ZBTB7C: variants seen among roughly 807,000 people sequenced by gnomAD.
ZBTB7C encodes zinc finger and BTB domain containing 7C.
A neutral mutation model predicts 25.7 loss-of-function variants in ZBTB7C; 8 were observed. The observed-to-expected ratio is 0.31, with a 90% CI of 0.18 to 0.56. The LOEUF is 0.56. Among genes scored for constraint, ZBTB7C ranks in the 20% least tolerant of loss-of-function variants. The pLI, the probability that ZBTB7C is intolerant of heterozygous loss-of-function variation, is 0.91. For missense variants in ZBTB7C, 824 were observed against 855.2 expected (o/e 0.96, Z 0.46); for synonymous variants, 394 against 369.0 (o/e 1.07, Z -0.78).
chr18:48,067,658 G>A lies in ZBTB7C; in HGVS notation c.-16-26535C>T, dbSNP rs4575603. ...TGGGTCTCCAGTCTGCTAGCCTGGA[G>A]ATTTGGACTTGCCAGCCCTTACAAT... On this transcript the variant is annotated intron_variant, in intron 3 of 4. Transcript: ENST00000590800. Among the ~76,000 whole-genome samples, 618 of 152,296 alleles carry A rather than the reference G, an allele frequency of 4.1e-3. 3 individuals carry two copies. The highest frequency in any genetic ancestry group is 0.027 in the Middle Eastern group (8 of 294).
At chr18:48,187,992 A>T (rs1568288829) in intron 2 of ZBTB7C, among the ~76,000 whole-genome samples, 1 of 152,178 alleles carries the variant, frequency 6.6e-6, no homozygotes, top group Non-Finnish European at 1.5e-5. Flanking sequence ...GAATGTACTC[A>T]ATGAATTACA....
At chr18:48,174,675 C>G (rs1414178373) in intron 3 of ZBTB7C, among the ~76,000 whole-genome samples, 1 of 152,256 alleles carries the variant, frequency 6.6e-6, no homozygotes, top group Non-Finnish European at 1.5e-5. Flanking sequence ...ATGACACATA[C>G]ACACGATGGA....
At chr18:48,384,534 G>C (rs913311604) in intron 1 of ZBTB7C, among the ~76,000 whole-genome samples, 3 of 152,190 alleles carry the variant, frequency 2.0e-5, no homozygotes, top group African/African-American at 7.2e-5. Flanking sequence ...TGAAGATGTA[G>C]TACAGGCTTG....
chr18:48,078,706 A>G (rs1485738828), intron 3 of ZBTB7C, among the ~76,000 whole-genome samples: 2 of 152,206 alleles, frequency 1.3e-5, no homozygotes, highest in African/African-American at 4.8e-5. Context: ...ATAGGCAGGT[A>G]GCAGGGTGGG....
At chr18:48,084,557 G>A (rs1186506033) in intron 3 of ZBTB7C, among the ~76,000 whole-genome samples, 2 of 152,176 alleles carry the variant, frequency 1.3e-5, no homozygotes, top group Non-Finnish European at 2.9e-5. Flanking sequence ...CCCACAGTAT[G>A]CCTGTGAGCC....
chr18:48,111,080 A>C (rs574588729), intron 3 of ZBTB7C, among the ~76,000 whole-genome samples: 1 of 152,238 alleles, frequency 6.6e-6, no homozygotes, highest in African/African-American at 2.4e-5. Context: ...GCATTCTGGC[A>C]GCTGCTGGGT....
At chr18:48,070,828 C>G (rs2037515158) in intron 3 of ZBTB7C, among the ~76,000 whole-genome samples, 1 of 152,204 alleles carries the variant, frequency 6.6e-6, no homozygotes, top group Admixed American at 6.5e-5. Context: ...TGCTCTGATC[C>G]TTTCCTTGGC....
chr18:48,116,611 C>T (rs1417091412), intron 3 of ZBTB7C, among the ~76,000 whole-genome samples: 1 of 152,122 alleles, frequency 6.6e-6, no homozygotes, highest in Admixed American at 6.5e-5. Context: ...TGCTTGCACC[C>T]TCCCTCTGCA....
chr18:48,125,515 C>T (rs1215786979), intron 3 of ZBTB7C, among the ~76,000 whole-genome samples: 1 of 152,200 alleles, frequency 6.6e-6, no homozygotes, highest in African/African-American at 2.4e-5. Context: ...GTGTAAATGG[C>T]AACTTGTTTC....
intron 2 of ZBTB7C, among the ~76,000 whole-genome samples, chr18:48,212,956 C>A (rs2042736563): frequency 6.6e-6 from 1 of 152,200 alleles, no homozygotes; most frequent in South Asian, 2.1e-4. Context: ...ACTCCTCAAA[C>A]CCAAGTGCAG....
At chr18:48,100,217 T>A (rs2038782592) in intron 3 of ZBTB7C, among the ~76,000 whole-genome samples, 1 of 152,228 alleles carries the variant, frequency 6.6e-6, no homozygotes, top group African/African-American at 2.4e-5. Flanking sequence ...AAGCAGATGA[T>A]TCTACAGTTC....
chr18:48,385,224 T>C (rs1187536384), intron 1 of ZBTB7C, among the ~76,000 whole-genome samples: 1 of 152,210 alleles, frequency 6.6e-6, no homozygotes, highest in African/African-American at 2.4e-5. Context: ...GTATATACCT[T>C]ATTCCGTCTT....
intron 2 of ZBTB7C, among the ~76,000 whole-genome samples, chr18:48,307,795 C>T (rs1235646224): frequency 2.0e-5 from 3 of 152,150 alleles, no homozygotes; most frequent in Non-Finnish European, 4.4e-5. Context: ...TTGCAGTGAG[C>T]TGAGATCACG....
rs565630779 is a variant in ZBTB7C, at chr18:48,355,428, G to A, written c.-303-17030C>T. On this transcript the variant is annotated intron_variant, in intron 1 of 4. Coordinates refer to ENST00000590800, the MANE Select transcript of ZBTB7C (RefSeq NM_001318841.2). Reference sequence around the variant, plus strand: ...TGTTGATTTGTTCCCAGTTCGCCACGGAATAAAGTCTGAACTCCTCACCCG... The same window carrying A: ...TGTTGATTTGTTCCCAGTTCGCCACAGAATAAAGTCTGAACTCCTCACCCG... 1.3e-4 allele frequency among the ~76,000 whole-genome samples: 20 copies of A among 152,294 alleles called. No homozygotes were observed. The South Asian group carries it at 2.3e-3, about 17-fold the overall frequency.
chr18:48,372,011 G>T (rs1038669), intron 1 of ZBTB7C, among the ~76,000 whole-genome samples: 1 of 152,090 alleles, frequency 6.6e-6, no homozygotes, highest in African/African-American at 2.4e-5. Context: ...TCCACCAGCG[G>T]CTCTGCCCAG....
chr18:48,251,736 T>C (rs944254232), intron 2 of ZBTB7C, among the ~76,000 whole-genome samples: 2 of 152,220 alleles, frequency 1.3e-5, no homozygotes, highest in Non-Finnish European at 2.9e-5. Context: ...CTTCGTGGAC[T>C]ATGCAAACGT....
At chr18:48,151,772 C>T (rs890380079) in intron 3 of ZBTB7C, among the ~76,000 whole-genome samples, 33 of 152,178 alleles carry the variant, frequency 2.2e-4, no homozygotes, top group Non-Finnish European at 3.5e-4. Flanking sequence ...ACTAGGAGCT[C>T]ACGTTTCCAT....
At chr18:48,398,813 T>C (rs1286251817) in intron 1 of ZBTB7C, among the ~76,000 whole-genome samples, 1 of 152,200 alleles carries the variant, frequency 6.6e-6, no homozygotes, top group Non-Finnish European at 1.5e-5. Flanking sequence ...GTTGAGTACA[T>C]GATTCGTTTT....
intron 3 of ZBTB7C, among the ~76,000 whole-genome samples, chr18:48,083,415 C>A (rs750693880): frequency 4.6e-5 from 7 of 152,144 alleles, no homozygotes; most frequent in Non-Finnish European, 1.0e-4. Context: ...CTCTCTTTAG[C>A]CCCTCGTCCC....
Sources: gnomAD v4.1 joint callset for allele counts (sites outside exome capture counted in the v4.1 genomes callset) on GRCh38, gnomAD v4.1.1 for gene constraint, MANE v1.5 for transcripts, NCBI Gene and HGNC (gene_info 2026-07-23, HGNC 2026-07-21) for gene names.